ATRNL1: variants seen among roughly 807,000 people sequenced by gnomAD.
ATRNL1 encodes the protein attractin-like protein 1.
ATRNL1 carries 95 observed loss-of-function variants against 182.7 expected under a neutral mutation model. That is an observed-to-expected ratio of 0.52 (90% CI 0.44 to 0.62). ATRNL1 has a LOEUF of 0.62. Among genes scored for constraint, ATRNL1 ranks in the 20% least tolerant of loss-of-function variants. ATRNL1 has a pLI of 0.00. For synonymous variants in ATRNL1, 576 were observed against 568.3 expected, an observed-to-expected ratio of 1.01 and a Z score of -0.19; for missense variants, 1,471 against 1,679.5, an observed-to-expected ratio of 0.88 and a Z score of 2.17.
intron 27 of ATRNL1, among the ~76,000 whole-genome samples, chr10:115,742,099 C>T (rs1214504916): frequency 1.3e-5 from 2 of 152,076 alleles, no homozygotes; most frequent in Non-Finnish European, 2.9e-5. Context: ...TATTAAATGG[C>T]AGAAGCCAGA....
At chr10:115,496,822 A>C (rs11197245) in intron 24 of ATRNL1, among the ~76,000 whole-genome samples, 2,109 of 152,170 alleles carry the variant, frequency 0.014, 42 homozygotes, top group African/African-American at 0.048. Flanking sequence ...AGCTCCATTT[A>C]ACATTTTTTC....
At chr10:115,313,091 T>G (rs1854117117) in intron 17 of ATRNL1, among the ~76,000 whole-genome samples, 1 of 152,038 alleles carries the variant, frequency 6.6e-6, no homozygotes, top group South Asian at 2.1e-4. Context: ...TCTCCTTGAG[T>G]AACATAGTAG....
At chr10:115,854,746 T>A (rs1951140658) in intron 28 of ATRNL1, among the ~76,000 whole-genome samples, 1 of 152,222 alleles carries the variant, frequency 6.6e-6, no homozygotes, top group South Asian at 2.1e-4. Context: ...ACCTTCAAAT[T>A]AGCCTGTCTT....
rs146246144 is a variant in ATRNL1, at chr10:115,414,918, A to G, written c.3270-11332A>G. Among the ~76,000 whole-genome samples the G allele has an allele frequency of 9.9e-4, 151 of 152,098 alleles. 2 individuals are homozygous for G. Among genetic ancestry groups the G allele is most frequent in the Non-Finnish European group, 8.2e-4 (56 of 67,900 alleles). On this transcript the variant is annotated intron_variant, in intron 20 of 28. Transcript: ENST00000355044. ...AGATGTATAGTATTCCATTATGCAT[A>G]TGTACCATAGGTTAACAAATCTATT...
intron 26 of ATRNL1, among the ~76,000 whole-genome samples, chr10:115,714,442 AAACAGCACG>A (rs1229708399): frequency 6.6e-6 from 1 of 152,120 alleles, no homozygotes; most frequent in African/African-American, 2.4e-5. Context: ...CTCCCGCTGC[AAACAGCACG>A]AACTTTCTGA....
intron 9 of ATRNL1, among the ~76,000 whole-genome samples, chr10:115,218,129 C>T (rs921096475): frequency 3.3e-5 from 5 of 151,678 alleles, no homozygotes; most frequent in African/African-American, 9.7e-5. Flanking sequence ...ATACAACTCA[C>T]CATAATGTAG....
At chr10:115,327,965 T>A (rs1402237580) in intron 18 of ATRNL1, among the ~76,000 whole-genome samples, 2 of 151,932 alleles carry the variant, frequency 1.3e-5, no homozygotes, top group Non-Finnish European at 2.9e-5. Flanking sequence ...AGGGATAGCA[T>A]TGGGAGATAT....
intron 25 of ATRNL1, among the ~76,000 whole-genome samples, chr10:115,543,528 CA>C (rs1852478666): frequency 6.6e-6 from 1 of 151,876 alleles, no homozygotes; most frequent in Non-Finnish European, 1.5e-5. Flanking sequence ...ATGCCCAAAC[CA>C]TCTTTTAAAA....
At chr10:115,857,244 A>T (rs1167857281) in intron 28 of ATRNL1, among the ~76,000 whole-genome samples, 1 of 152,238 alleles carries the variant, frequency 6.6e-6, no homozygotes, top group Non-Finnish European at 1.5e-5. Context: ...CTGATAAAAA[A>T]TAGGCTATTA....
chr10:115,165,697 C>A, intron 7 of ATRNL1, 52 bp downstream of exon 7: 1 of 995,130 alleles, frequency 1.0e-6, no homozygotes, highest in Non-Finnish European at 1.5e-6. Flanking sequence ...TGATAGTTTA[C>A]CACAGGCTAA....
chr10:115,750,515 A>G (rs1416790844), intron 27 of ATRNL1, among the ~76,000 whole-genome samples: 6 of 151,904 alleles, frequency 3.9e-5, no homozygotes, highest in Non-Finnish European at 8.8e-5. Flanking sequence ...TTACTAGGAG[A>G]AAACAAAGGT....
intron 27 of ATRNL1, among the ~76,000 whole-genome samples, chr10:115,810,404 G>A (rs1480686918): frequency 3.9e-5 from 6 of 151,922 alleles, no homozygotes; most frequent in Admixed American, 3.9e-4. Flanking sequence ...GCCCACTGAA[G>A]CTGCCTAGTC....
intron 9 of ATRNL1, among the ~76,000 whole-genome samples, chr10:115,232,762 G>A (rs1850012250): frequency 6.6e-6 from 1 of 152,002 alleles, no homozygotes; most frequent in Non-Finnish European, 1.5e-5. Flanking sequence ...TTATTGAAAA[G>A]TCCATTCCAT....
chr10:115,886,083 A>G (rs926596351), intron 28 of ATRNL1, among the ~76,000 whole-genome samples: 1 of 152,212 alleles, frequency 6.6e-6, no homozygotes, highest in Non-Finnish European at 1.5e-5. Context: ...GGTCTGCTTA[A>G]TAAGTAAATG....
chr10:115,227,553 C>T (rs1554898916), intron 9 of ATRNL1, among the ~76,000 whole-genome samples: 1 of 152,148 alleles, frequency 6.6e-6, no homozygotes, highest in Admixed American at 6.5e-5. Flanking sequence ...CCAGCAATCC[C>T]ATTACTGGGT....
At chr10:115,903,910 T>A (rs935689462) in intron 28 of ATRNL1, among the ~76,000 whole-genome samples, 3 of 152,086 alleles carry the variant, frequency 2.0e-5, no homozygotes, top group African/African-American at 7.2e-5. Context: ...TTTAGTGCGT[T>A]AGTTCAGGAC....
intron 28 of ATRNL1, among the ~76,000 whole-genome samples, chr10:115,917,866 A>G (rs1952919923): frequency 6.6e-6 from 1 of 152,204 alleles, no homozygotes; most frequent in Non-Finnish European, 1.5e-5. Context: ...AATAGGGGCA[A>G]CAAAAGTCAC....
intron 10 of ATRNL1, among the ~76,000 whole-genome samples, chr10:115,254,855 G>GT: frequency 6.6e-6 from 1 of 152,188 alleles, no homozygotes; most frequent in East Asian, 1.9e-4. Context: ...TCTACATATG[G>GT]CTAGCCAGTT....
intron 5 of ATRNL1, among the ~76,000 whole-genome samples, chr10:115,156,655 C>T (rs1005509658): frequency 1.3e-5 from 2 of 151,984 alleles, no homozygotes; most frequent in Non-Finnish European, 2.9e-5. Flanking sequence ...GCATAACCTG[C>T]GGAGAAGATT....
Sources: allele counts gnomAD v4.1 joint callset (sites outside exome capture counted in the v4.1 genomes callset), GRCh38; gene constraint gnomAD v4.1.1; transcripts MANE v1.5; gene names NCBI Gene and HGNC (gene_info 2026-07-23, HGNC 2026-07-21).